Variants in DGKB observed in about 807,000 individuals in gnomAD.
DGKB encodes the protein 90 kDa diacylglycerol kinase.
DGKB carries 67 observed loss-of-function variants against 114.3 expected under a neutral mutation model. The ratio of observed to expected loss-of-function variants is 0.59; its 90% confidence interval spans 0.48 to 0.72. The LOEUF is 0.72. Among genes scored for constraint, DGKB ranks in the 30% least tolerant of loss-of-function variants. The pLI is 0.00. For synonymous variants in DGKB, 398 were observed against 323.1 expected (o/e 1.23, Z -2.49); for missense variants, 907 against 975.2 (o/e 0.93, Z 0.93).
chr7:14,176,375 G>A, intron 25 of DGKB: 1 of 984,810 alleles, frequency 1.0e-6, no homozygotes, highest in South Asian at 4.7e-5. Context: ...GTAGAAACTG[G>A]AGAGAAATTT....
intron 6 of DGKB, among the ~76,000 whole-genome samples, chr7:14,706,790 C>A (rs2129020537): frequency 9.5e-6 from 1 of 105,066 alleles, no homozygotes; most frequent in Non-Finnish European, 1.9e-5. Flanking sequence ...CACAACATAC[C>A]AGAATCTCTG....
intron 21 of DGKB, among the ~76,000 whole-genome samples, chr7:14,452,089 T>A (rs779351587): frequency 2.0e-5 from 3 of 152,128 alleles, no homozygotes; most frequent in Non-Finnish European, 4.4e-5. Context: ...TTTGACTGTT[T>A]AGAAAATATT....
intron 23 of DGKB, among the ~76,000 whole-genome samples, chr7:14,313,429 G>A (rs2128510555): frequency 6.6e-6 from 1 of 152,272 alleles, no homozygotes; most frequent in East Asian, 1.9e-4. Flanking sequence ...CAGTGCGCGA[G>A]CCGAAGCAGG....
chr7:14,956,125 C>A (rs567946693), intron 1 of DGKB, among the ~76,000 whole-genome samples: 1 of 152,012 alleles, frequency 6.6e-6, no homozygotes, highest in African/African-American at 2.4e-5. Flanking sequence ...CTCAGGGTAA[C>A]TTTAAGAAAA....
At chr7:14,659,778 G>C (rs572507542) in intron 13 of DGKB, among the ~76,000 whole-genome samples, 121 of 150,568 alleles carry the variant, frequency 8.0e-4, no homozygotes, top group Non-Finnish European at 1.4e-3. Flanking sequence ...TGTTGAGTAG[G>C]AGTGGTGAGA....
intron 18 of DGKB, among the ~76,000 whole-genome samples, chr7:14,582,531 T>G (rs1183415164): frequency 6.6e-6 from 1 of 152,168 alleles, no homozygotes; most frequent in African/African-American, 2.4e-5. Context: ...TTAGGTTCCC[T>G]ATCTCTACAT....
At chr7:14,822,904 A>G (rs1178758069) in intron 2 of DGKB, among the ~76,000 whole-genome samples, 1 of 152,140 alleles carries the variant, frequency 6.6e-6, no homozygotes, top group African/African-American at 2.4e-5. Flanking sequence ...CATCTCAGAA[A>G]TCAGAGATGT....
chr7:14,171,943 A>C (rs915611141), intron 25 of DGKB, among the ~76,000 whole-genome samples: 20 of 152,206 alleles, frequency 1.3e-4, no homozygotes, highest in Non-Finnish European at 2.5e-4. Context: ...AAGGAGCTGG[A>C]CATATAACTG....
intron 23 of DGKB, among the ~76,000 whole-genome samples, chr7:14,202,057 A>C (rs2128290471): frequency 6.6e-6 from 1 of 152,152 alleles, no homozygotes; most frequent in African/African-American, 2.4e-5. Flanking sequence ...CACTTCTTGA[A>C]GTGACAAATA....
chr7:14,299,339 T>C (rs1218872170), intron 23 of DGKB, among the ~76,000 whole-genome samples: 1 of 152,132 alleles, frequency 6.6e-6, no homozygotes, highest in Non-Finnish European at 1.5e-5. Context: ...CTGTTTAATA[T>C]GTAGAATTAC....
chr7:14,418,157 T>A (rs896716460), intron 21 of DGKB, among the ~76,000 whole-genome samples: 107 of 145,324 alleles, frequency 7.4e-4, no homozygotes, highest in African/African-American at 2.4e-3. Flanking sequence ...AAATTTATAT[T>A]TTTATATTTT....
intron 2 of DGKB, among the ~76,000 whole-genome samples, chr7:14,820,785 C>T (rs974874621): frequency 3.3e-5 from 5 of 152,008 alleles, no homozygotes; most frequent in African/African-American, 9.7e-5. Context: ...CTATGTTAAC[C>T]CAAAATTAAC....
At chr7:14,549,009 A>G (rs1794722085) in intron 20 of DGKB, among the ~76,000 whole-genome samples, 1 of 151,884 alleles carries the variant, frequency 6.6e-6, no homozygotes, top group African/African-American at 2.4e-5. Flanking sequence ...ACCCAGGGCA[A>G]TGCAGAGAGG....
chr7:14,220,408 C>A (rs1011315254), intron 23 of DGKB, among the ~76,000 whole-genome samples: 2 of 151,406 alleles, frequency 1.3e-5, no homozygotes, highest in Admixed American at 1.3e-4. Context: ...TCTTGGCACT[C>A]TTATCTAAAA....
chr7:14,794,852 C>T (rs1471799802), intron 2 of DGKB, among the ~76,000 whole-genome samples: 1 of 152,068 alleles, frequency 6.6e-6, no homozygotes, highest in East Asian at 1.9e-4. Flanking sequence ...AGAGATCTCC[C>T]CAACCTCCAG....
chr7:14,812,418 T>C (rs988652031), intron 2 of DGKB, among the ~76,000 whole-genome samples: 3 of 152,116 alleles, frequency 2.0e-5, no homozygotes, highest in African/African-American at 7.2e-5. Context: ...TGTGTCTTGA[T>C]AGTATTTATA....
At chr7:14,638,480 G>A (rs1252847096) in intron 13 of DGKB, among the ~76,000 whole-genome samples, 1 of 151,974 alleles carries the variant, frequency 6.6e-6, no homozygotes, top group Admixed American at 6.6e-5. Flanking sequence ...TCTTGACTCA[G>A]GGAAAAGAGT....
At chr7:14,445,794 GT>G (rs369937505) in intron 21 of DGKB, among the ~76,000 whole-genome samples, 1 of 151,860 alleles carries the variant, frequency 6.6e-6, no homozygotes. Context: ...TAAGTTTCAT[GT>G]TTTTTATAAG....
chr7:14,407,935 A>G (rs1309436652), intron 21 of DGKB, among the ~76,000 whole-genome samples: 1 of 152,078 alleles, frequency 6.6e-6, no homozygotes, highest in Non-Finnish European at 1.5e-5. Flanking sequence ...CCTTAGAAGA[A>G]TAACAGTCTG....
Sources: allele counts gnomAD v4.1 joint callset (sites outside exome capture counted in the v4.1 genomes callset), GRCh38; gene constraint gnomAD v4.1.1; transcripts MANE v1.5; gene names NCBI Gene and HGNC (gene_info 2026-07-23, HGNC 2026-07-21).